The following PDE4B variants were observed in gnomAD, a reference collection of about 807,000 sequenced individuals.
PDE4B encodes phosphodiesterase 4B.
In PDE4B, 20 loss-of-function variants were observed where a neutral mutation model predicts 82.2. The observed-to-expected ratio is 0.24, with a 90% confidence interval of 0.17 to 0.35. The LOEUF (loss-of-function observed/expected upper bound fraction) is 0.35. Ranked by LOEUF, PDE4B falls within the 10% of genes least tolerant of loss-of-function variation. PDE4B has a pLI of 1.00. For synonymous variants in PDE4B, 320 were observed against 318.9 expected, an observed-to-expected ratio of 1.00 and a Z score of -0.04; for missense variants, 655 against 907.2, an observed-to-expected ratio of 0.72 and a Z score of 3.57.
intron 1 of PDE4B, among the ~76,000 whole-genome samples, chr1:65,811,307 G>A (rs1355851943): frequency 1.3e-5 from 2 of 152,192 alleles, no homozygotes; most frequent in African/African-American, 2.4e-5. Flanking sequence ...ACTAATTTTT[G>A]TTGTATTTCA....
chr1:66,320,779 G>A (rs1488509428), intron 7 of PDE4B, among the ~76,000 whole-genome samples: 2 of 152,158 alleles, frequency 1.3e-5, no homozygotes, highest in African/African-American at 4.8e-5. Flanking sequence ...ATGGTCATTT[G>A]GAAATAGAGG....
intron 1 of PDE4B, among the ~76,000 whole-genome samples, chr1:65,851,045 A>C (rs1408282282): frequency 6.6e-6 from 1 of 152,188 alleles, no homozygotes. Context: ...AGGGATGCTC[A>C]ATTGTTCTAG....
At chr1:66,147,887 C>T (rs1241641548) in intron 3 of PDE4B, among the ~76,000 whole-genome samples, 1 of 152,096 alleles carries the variant, frequency 6.6e-6, no homozygotes, top group Non-Finnish European at 1.5e-5. Context: ...CCAAGTAAAC[C>T]CTACCAAGTC....
chr1:65,846,208 T>C (rs1241161961), intron 1 of PDE4B, among the ~76,000 whole-genome samples: 3 of 152,202 alleles, frequency 2.0e-5, no homozygotes, highest in Non-Finnish European at 2.9e-5. Context: ...AATGGGTCTC[T>C]AGGAGCCACT....
chr1:65,963,514 C>G (rs892947986), intron 3 of PDE4B, among the ~76,000 whole-genome samples: 4 of 152,224 alleles, frequency 2.6e-5, no homozygotes, highest in African/African-American at 9.6e-5. Flanking sequence ...AACTTTGTGA[C>G]AGCAGCAAAC....
At chr1:66,001,310 G>C (rs1331279699) in intron 3 of PDE4B, among the ~76,000 whole-genome samples, 1 of 152,080 alleles carries the variant, frequency 6.6e-6, no homozygotes, top group Non-Finnish European at 1.5e-5. Flanking sequence ...TTACCTCTTT[G>C]TCTCTTTCTG....
chr1:66,041,419 A>G (rs1440888589), intron 3 of PDE4B, among the ~76,000 whole-genome samples: 2 of 151,888 alleles, frequency 1.3e-5, no homozygotes, highest in Non-Finnish European at 2.9e-5. Context: ...AGTAGCCTCA[A>G]GTTTTTCGTC....
intron 3 of PDE4B, among the ~76,000 whole-genome samples, chr1:65,975,013 G>A (rs547063751): frequency 7.2e-5 from 11 of 152,314 alleles, no homozygotes; most frequent in African/African-American, 2.6e-4. Flanking sequence ...ACTGGGTAAT[G>A]CTCAAAGGTT....
intron 3 of PDE4B, among the ~76,000 whole-genome samples, chr1:65,977,140 T>C (rs1650450597): frequency 6.6e-6 from 1 of 152,212 alleles, no homozygotes; most frequent in Non-Finnish European, 1.5e-5. Context: ...ATGCTAGAAT[T>C]CCTTGATTAT....
intron 1 of PDE4B, among the ~76,000 whole-genome samples, chr1:65,813,893 C>CAAAAAAAAAAAAAAAAAAAAA (rs5774766): frequency 2.9e-5 from 3 of 103,436 alleles, no homozygotes; most frequent in Non-Finnish European, 4.0e-5. Context: ...GGCACTGCGG[C>CAAAAAAAAAAAAAAAAAAAAA]AAAAAAAAAA....
At chr1:66,322,863 C>A (rs914699241) in intron 7 of PDE4B, among the ~76,000 whole-genome samples, 1 of 151,980 alleles carries the variant, frequency 6.6e-6, no homozygotes, top group African/African-American at 2.4e-5. Context: ...CATAACTATC[C>A]CACAAGATAT....
intron 3 of PDE4B, among the ~76,000 whole-genome samples, chr1:66,123,332 C>T (rs1249621801): frequency 6.6e-6 from 1 of 152,162 alleles, no homozygotes; most frequent in Non-Finnish European, 1.5e-5. Context: ...AATGTTATCC[C>T]TCCACAGTAG....
At chr1:65,885,783 C>A (rs537795929) in intron 1 of PDE4B, among the ~76,000 whole-genome samples, 1 of 151,448 alleles carries the variant, frequency 6.6e-6, no homozygotes, top group Admixed American at 6.6e-5. Context: ...ATGGGTGCAG[C>A]ACACCAACAT....
chr1:66,181,601 C>T (rs995154512), intron 3 of PDE4B, among the ~76,000 whole-genome samples: 1 of 152,144 alleles, frequency 6.6e-6, no homozygotes, highest in Non-Finnish European at 1.5e-5. Flanking sequence ...CATTGAATAG[C>T]TTTAGATTCT....
chr1:66,214,204 A>G (rs529451639), intron 3 of PDE4B, among the ~76,000 whole-genome samples: 24 of 152,318 alleles, frequency 1.6e-4, no homozygotes, highest in Admixed American at 1.4e-3. Flanking sequence ...TGGAACAAGC[A>G]TTTTCTACAG....
At chr1:66,333,846 T>A (rs1184634040) in intron 8 of PDE4B, among the ~76,000 whole-genome samples, 2 of 152,162 alleles carry the variant, frequency 1.3e-5, no homozygotes, top group Non-Finnish European at 2.9e-5. Context: ...TAAGTCCCTT[T>A]CTAAAATTTT....
At chr1:65,929,978 A>G (rs1213924631) in intron 3 of PDE4B, among the ~76,000 whole-genome samples, 1 of 152,200 alleles carries the variant, frequency 6.6e-6, no homozygotes, top group Non-Finnish European at 1.5e-5. Flanking sequence ...TCTTGGTACC[A>G]AAATCTATAT....
intron 3 of PDE4B, among the ~76,000 whole-genome samples, chr1:66,040,789 G>T (rs1458914888): frequency 6.6e-6 from 1 of 151,904 alleles, no homozygotes; most frequent in Non-Finnish European, 1.5e-5. Context: ...ATCAGGTTTA[G>T]AGAAGACTTC....
At chr1:65,801,261 TC>T (rs542741877) in intron 1 of PDE4B, among the ~76,000 whole-genome samples, 53 of 152,298 alleles carry the variant, frequency 3.5e-4, no homozygotes, top group Middle Eastern at 6.8e-3. Flanking sequence ...GGTGGCATTT[TC>T]AAGATGTATC....
Sources: allele counts gnomAD v4.1 joint callset (sites outside exome capture counted in the v4.1 genomes callset), GRCh38; gene constraint gnomAD v4.1.1; transcripts MANE v1.5; gene names NCBI Gene and HGNC (gene_info 2026-07-23, HGNC 2026-07-21).